SASH1: variants seen among roughly 807,000 people sequenced by gnomAD.
SASH1 encodes the protein SAM and SH3 domain-containing protein 1.
Under a neutral mutation model 125.2 loss-of-function variants are expected in SASH1, and 44 were observed. The observed-to-expected ratio is 0.35, with a 90% confidence interval of 0.28 to 0.45. The LOEUF (loss-of-function observed/expected upper bound fraction) is 0.45. SASH1 is among the 20% of genes least tolerant of loss of function. SASH1 has a pLI of 1.00. For synonymous variants in SASH1, 639 were observed against 649.1 expected, an observed-to-expected ratio of 0.98 and a Z score of 0.24; for missense variants, 1,426 against 1,614.5, an observed-to-expected ratio of 0.88 and a Z score of 2.00.
At chr6:148,299,671 GAA>G (rs57758957) in intron 1 of SASH1, among the ~76,000 whole-genome samples, 18 of 114,966 alleles carry the variant, frequency 1.6e-4, no homozygotes, top group East Asian at 5.1e-4. Flanking sequence ...CACCTCAAAA[GAA>G]AAAAAAAAAA....
chr6:148,417,170 A>G (rs941480478), intron 2 of SASH1, among the ~76,000 whole-genome samples: 4 of 152,158 alleles, frequency 2.6e-5, no homozygotes, highest in African/African-American at 9.7e-5. Flanking sequence ...AAATGAAAAC[A>G]CACTTGGGTA....
rs201281705 is a variant in SASH1 at position 148,349,141 on chromosome 6, G to A, written c.156+5918G>A. Among the ~76,000 whole-genome samples, 30 of 151,794 alleles carry A rather than the reference G, an allele frequency of 2.0e-4. No individual in the cohort carries two copies. The East Asian group carries it at 5.3e-3, about 27-fold the overall frequency. ...AGATCTCCCAGATCTGGGTGCTGAT[G>A]TTGCTGGATAAGGTTTGTGGGCACC... On this transcript the variant is annotated intron_variant, in intron 1 of 19. Transcript: ENST00000367467.
the SASH1 span, among the ~76,000 whole-genome samples, chr6:148,246,824 C>T: frequency 2.4e-4 from 37 of 152,314 alleles, no homozygotes; most frequent in African/African-American, 4.8e-4. Flanking sequence ...TGCGTCGCTA[C>T]GAGTTTACTG....
the SASH1 span, among the ~76,000 whole-genome samples, chr6:148,234,839 A>G: frequency 6.6e-6 from 1 of 152,002 alleles, no homozygotes; most frequent in Non-Finnish European, 1.5e-5. Context: ...GAAAAAAAAA[A>G]AAAAGAAGGA....
At chr6:148,505,693 A>G (rs1386485993) in intron 8 of SASH1, among the ~76,000 whole-genome samples, 4 of 150,484 alleles carry the variant, frequency 2.7e-5, no homozygotes, top group South Asian at 2.1e-4. Flanking sequence ...CCAGGCGTGC[A>G]GTGGCATGAT....
chr6:148,242,384 T>C, the SASH1 span, among the ~76,000 whole-genome samples: 4 of 152,236 alleles, frequency 2.6e-5, no homozygotes, highest in African/African-American at 7.2e-5. Context: ...TACGAGACTC[T>C]GAGTGTCTTT....
intron 1 of SASH1, among the ~76,000 whole-genome samples, chr6:148,316,011 C>A (rs1025063173): frequency 6.6e-6 from 1 of 152,194 alleles, no homozygotes; most frequent in African/African-American, 2.4e-5. Context: ...CCCTCACAGC[C>A]TTGAGATACA....
chr6:148,531,504 AT>A, intron 12 of SASH1, 21 bp from the exon 13 acceptor site: 1 of 1,467,264 alleles, frequency 6.8e-7, no homozygotes, highest in Non-Finnish European at 9.1e-7. Context: ...GAACTTCTTC[AT>A]TTTGTTGAAA....
At chr6:148,476,790 A>T (rs1161799091) in intron 7 of SASH1, among the ~76,000 whole-genome samples, 1 of 152,204 alleles carries the variant, frequency 6.6e-6, no homozygotes, top group Non-Finnish European at 1.5e-5. Context: ...AACTGGGGGA[A>T]TAACATTAAC....
At chr6:148,512,120 G>A (rs1437283780) in intron 8 of SASH1, among the ~76,000 whole-genome samples, 7 of 152,052 alleles carry the variant, frequency 4.6e-5, no homozygotes, top group South Asian at 2.1e-4. Flanking sequence ...CTGGGTTCAC[G>A]CCATTCTTCT....
intron 1 of SASH1, among the ~76,000 whole-genome samples, chr6:148,335,806 C>T (rs980303311): frequency 1.3e-5 from 2 of 152,096 alleles, no homozygotes; most frequent in African/African-American, 2.4e-5. Flanking sequence ...CCGCCCCACC[C>T]GAGGTAAACT....
chr6:148,487,624 A>G lies in SASH1; in HGVS notation c.638A>G (p.Tyr213Cys), dbSNP rs1778934562. The G allele has an allele frequency of 6.2e-7, 1 of 1,612,992 alleles. No individual in the cohort carries two copies. The highest frequency in any genetic ancestry group is 1.3e-5 in the African/African-American group (1 of 74,876). Residue 213 changes from tyrosine (Y) to cysteine (C), a missense_variant, in exon 8 of 20, where the codon TAC becomes TGC. Transcript: ENST00000367467. ...IEEALARLKE[Y>C]EAQHRQSAAL... ...TTCTTCTTGTTACAGCTCAAGGAAT[A>G]CGAGGCCCAGCACCGGCAGTCGGCT...
chr6:148,516,497 CCCCCCT>C (rs1780447982), intron 9 of SASH1, among the ~76,000 whole-genome samples: 3 of 63,592 alleles, frequency 4.7e-5, no homozygotes, highest in South Asian at 4.8e-4. Context: ...GGCGCCCCCT[CCCCCCT>C]CCCCCCTCCC....
chr6:148,408,353 G>A (rs189121815), intron 2 of SASH1, among the ~76,000 whole-genome samples: 12 of 151,946 alleles, frequency 7.9e-5, no homozygotes, highest in South Asian at 4.2e-4. Context: ...TGATCCGCCC[G>A]CCTCAGCCTC....
intron 1 of SASH1, among the ~76,000 whole-genome samples, chr6:148,324,589 G>A (rs1222915776): frequency 3.3e-5 from 5 of 152,102 alleles, no homozygotes; most frequent in Non-Finnish European, 7.3e-5. Context: ...TGCTCTTGCT[G>A]TCTTCCTCCA....
At chr6:148,455,935 CT>C (rs1378681662) in intron 4 of SASH1, among the ~76,000 whole-genome samples, 14 of 152,114 alleles carry the variant, frequency 9.2e-5, no homozygotes, top group Admixed American at 9.2e-4. Flanking sequence ...GCTGCTTCCC[CT>C]GGACTCCCCT....
At chr6:148,299,165 C>T (rs1779863667) in intron 1 of SASH1, among the ~76,000 whole-genome samples, 1 of 152,092 alleles carries the variant, frequency 6.6e-6, no homozygotes, top group Non-Finnish European at 1.5e-5. Flanking sequence ...TGGGAAACAG[C>T]GGGAACAAAA....
intron 7 of SASH1, among the ~76,000 whole-genome samples, chr6:148,476,305 C>T (rs1306254569): frequency 2.1e-5 from 3 of 144,322 alleles, no homozygotes; most frequent in Non-Finnish European, 4.5e-5. Flanking sequence ...GAAAGCTATT[C>T]CCTGTTCACG....
chr6:148,339,734 G>A (rs1781268331), upstream of SASH1, among the ~76,000 whole-genome samples: 1 of 151,788 alleles, frequency 6.6e-6, no homozygotes. Flanking sequence ...TAGTAGAGAT[G>A]GGGTTTTGTC....
Sources: allele counts gnomAD v4.1 joint callset (sites outside exome capture counted in the v4.1 genomes callset), GRCh38; gene constraint gnomAD v4.1.1; transcripts MANE v1.5; gene names NCBI Gene and HGNC (gene_info 2026-07-23, HGNC 2026-07-21).